Variants in LINGO2 observed in about 807,000 individuals in gnomAD.
LINGO2 encodes the protein leucine rich repeat and Ig domain containing 2.
Under a neutral mutation model 30.6 loss-of-function variants are expected in LINGO2, and 14 were observed. That is an observed-to-expected ratio of 0.46 (90% CI 0.30 to 0.72). LINGO2 has a LOEUF of 0.72. Ranked by LOEUF, LINGO2 falls within the 30% of genes least tolerant of loss-of-function variation. LINGO2 has a pLI of 0.07. For missense variants in LINGO2, 729 were observed against 751.7 expected, an observed-to-expected ratio of 0.97 and a Z score of 0.35; for synonymous variants, 317 against 288.5, an observed-to-expected ratio of 1.10 and a Z score of -1.00.
chr9:28,324,585 C>A (rs1180503755), intron 3 of LINGO2, among the ~76,000 whole-genome samples: 3 of 152,170 alleles, frequency 2.0e-5, no homozygotes, highest in Admixed American at 2.0e-4. Context: ...CTCTGGTCAT[C>A]CTCACTGCTC....
chr9:27,955,888 G>A (rs941997327), intron 5 of LINGO2, among the ~76,000 whole-genome samples: 3 of 149,986 alleles, frequency 2.0e-5, no homozygotes, highest in African/African-American at 7.3e-5. Flanking sequence ...CACTAGCAAT[G>A]CAAGGGAGTT....
intron 1 of LINGO2, among the ~76,000 whole-genome samples, chr9:28,485,046 G>A (rs768977451): frequency 1.3e-5 from 2 of 152,078 alleles, no homozygotes; most frequent in African/African-American, 4.8e-5. Flanking sequence ...CCATTATCAA[G>A]TGAAAGCGTT....
At chr9:28,769,500 ATATATATATATATATATATTTTTT>A in the LINGO2 span, among the ~76,000 whole-genome samples, 1 of 5,516 alleles carries the variant, frequency 1.8e-4, no homozygotes, top group African/African-American at 6.6e-4. Context: ...ATATATATAT[ATATATATATATATATATATTTTTT>A]TTTTTTTTTT....
intron 1 of LINGO2, among the ~76,000 whole-genome samples, chr9:28,478,738 C>G (rs543254190): frequency 1.3e-5 from 2 of 152,180 alleles, no homozygotes; most frequent in African/African-American, 4.8e-5. Context: ...ACCATACATA[C>G]TTCTTCTCTT....
the LINGO2 span, among the ~76,000 whole-genome samples, chr9:28,908,158 C>T: frequency 4.8e-3 from 50 of 10,410 alleles, no homozygotes; most frequent in Middle Eastern, 0.042. Flanking sequence ...CACACACATA[C>T]ACACACACAC....
chr9:28,640,441 G>C (rs953684983), intron 1 of LINGO2, among the ~76,000 whole-genome samples: 1 of 151,070 alleles, frequency 6.6e-6, no homozygotes, highest in Admixed American at 6.6e-5. Context: ...CATTCTCCCC[G>C]TTACTTTCAG....
At chr9:28,576,717 T>C (rs1824009680) in intron 1 of LINGO2, among the ~76,000 whole-genome samples, 1 of 152,182 alleles carries the variant, frequency 6.6e-6, no homozygotes, top group African/African-American at 2.4e-5. Context: ...TTGCTATTTT[T>C]TTCCATAGGT....
rs529181798 is a variant in LINGO2 at position 28,661,155 on chromosome 9, T to C, written c.-365+9045A>G. Among the ~76,000 whole-genome samples, 3 of 152,166 alleles carry C rather than the reference T, an allele frequency of 2.0e-5. No homozygotes were observed. The South Asian group carries it at 6.2e-4, about 32-fold the overall frequency. ...AATAAGATGCAGAAAAATATATATA[T>C]ATATATGCTGGGTCAGTTCTGAGCA... On this transcript the variant is annotated intron_variant, in intron 1 of 5. Transcript: ENST00000379992.
intron 4 of LINGO2, among the ~76,000 whole-genome samples, chr9:28,091,171 A>G (rs1422227091): frequency 6.6e-6 from 1 of 152,184 alleles, no homozygotes; most frequent in Non-Finnish European, 1.5e-5. Flanking sequence ...TGCCATCCCC[A>G]TCAAGCTTCC....
the LINGO2 span, among the ~76,000 whole-genome samples, chr9:29,187,227 T>G: frequency 6.6e-6 from 1 of 152,140 alleles, no homozygotes; most frequent in Non-Finnish European, 1.5e-5. Flanking sequence ...AAATTCTAAT[T>G]ACATCTTTAA....
Position 28,534,414 on chromosome 9 carries a change from T to G in LINGO2, c.-364-58389A>C, listed in dbSNP as rs537389403. On this transcript the variant is annotated intron_variant, in intron 1 of 5. Transcript: ENST00000379992. ...TGCACTGTTTTTACTGAAAACACAT[T>G]GGGGTCATTCCCAGGAGTACATTTG... Among the ~76,000 whole-genome samples, 71 of 152,296 alleles carry G rather than the reference T, an allele frequency of 4.7e-4. 1 individual carries two copies. The highest frequency in any genetic ancestry group is 1.7e-3 in the African/African-American group (69 of 41,580).
intron 3 of LINGO2, among the ~76,000 whole-genome samples, chr9:28,330,240 A>G (rs2150861): frequency 0.79 from 120,010 of 152,114 alleles, 47,468 homozygotes; most frequent in Non-Finnish European, 0.81. Flanking sequence ...CTGACACTTT[A>G]ATCTTGAATT....
At chr9:28,629,833 C>G (rs1300943113) in intron 1 of LINGO2, among the ~76,000 whole-genome samples, 1 of 151,906 alleles carries the variant, frequency 6.6e-6, no homozygotes, top group Non-Finnish European at 1.5e-5. Flanking sequence ...TGAAAAAATG[C>G]ATGAGGGTCA....
the LINGO2 span, among the ~76,000 whole-genome samples, chr9:29,041,507 A>G: frequency 9.5e-4 from 144 of 152,166 alleles, no homozygotes; most frequent in Non-Finnish European, 1.5e-3. Flanking sequence ...TCAATGCAAC[A>G]TAGTAGAAAA....
chr9:29,029,212 G>T, the LINGO2 span, among the ~76,000 whole-genome samples: 1 of 152,008 alleles, frequency 6.6e-6, no homozygotes, highest in African/African-American at 2.4e-5. Context: ...TTAAGGTTGT[G>T]GGCCCTGAAA....
chr9:28,945,269 T>C, the LINGO2 span, among the ~76,000 whole-genome samples: 1 of 152,148 alleles, frequency 6.6e-6, no homozygotes, highest in African/African-American at 2.4e-5. Flanking sequence ...GATAAATTAA[T>C]ATATATGAAA....
chr9:28,507,110 T>C (rs1587774909), intron 1 of LINGO2, among the ~76,000 whole-genome samples: 1 of 152,008 alleles, frequency 6.6e-6, no homozygotes, highest in South Asian at 2.1e-4. Context: ...TTATAAGAAA[T>C]TCCAAGATGA....
At chr9:28,460,889 A>G (rs942920534) in intron 2 of LINGO2, among the ~76,000 whole-genome samples, 3 of 152,062 alleles carry the variant, frequency 2.0e-5, no homozygotes, top group Admixed American at 6.6e-5. Context: ...TCGTCATACA[A>G]ATAGACTAAA....
intron 4 of LINGO2, among the ~76,000 whole-genome samples, chr9:28,179,923 C>T (rs80296675): frequency 0.045 from 6,774 of 151,934 alleles, 508 homozygotes; most frequent in African/African-American, 0.15. Context: ...TCAAATAATT[C>T]TTCAGATAAA....
Sources: allele counts gnomAD v4.1 joint callset (sites outside exome capture counted in the v4.1 genomes callset), GRCh38; gene constraint gnomAD v4.1.1; transcripts MANE v1.5; gene names NCBI Gene and HGNC (gene_info 2026-07-23, HGNC 2026-07-21).